Variants in INSYN2B observed in about 807,000 individuals in gnomAD.
INSYN2B encodes the protein protein INSYN2B.
INSYN2B carries 16 observed loss-of-function variants against 41.2 expected under a neutral mutation model. The ratio of observed to expected loss-of-function variants is 0.39; its 90% CI spans 0.26 to 0.59. The LOEUF is 0.59. Ranked by LOEUF, INSYN2B falls within the 20% of genes least tolerant of loss-of-function variation. INSYN2B has a pLI of 0.57. For synonymous variants in INSYN2B, 245 were observed against 244.4 expected, an observed-to-expected ratio of 1.00 and a Z score of -0.02; for missense variants, 608 against 646.4, an observed-to-expected ratio of 0.94 and a Z score of 0.64.
chr5:169,893,444 G>A (rs1397690942), intron 1 of INSYN2B, among the ~76,000 whole-genome samples: 1 of 143,864 alleles, frequency 7.0e-6, no homozygotes, highest in African/African-American at 2.5e-5. Context: ...CAATCCATTT[G>A]TTTTTCACTA....
At chr5:169,929,171 G>T (rs895220725) in intron 1 of INSYN2B, among the ~76,000 whole-genome samples, 2 of 152,190 alleles carry the variant, frequency 1.3e-5, no homozygotes, top group African/African-American at 4.8e-5. Context: ...ATAGCAGGGG[G>T]TTAAAGGTGT....
intron 1 of INSYN2B, among the ~76,000 whole-genome samples, chr5:169,903,607 A>G (rs188426587): frequency 2.0e-5 from 3 of 152,254 alleles, no homozygotes; most frequent in East Asian, 3.9e-4. Flanking sequence ...AGTAGGTACA[A>G]AGGCCTCCAA....
intron 1 of INSYN2B, among the ~76,000 whole-genome samples, chr5:169,929,462 T>G (rs1179624792): frequency 6.6e-6 from 1 of 151,688 alleles, no homozygotes; most frequent in Non-Finnish European, 1.5e-5. Flanking sequence ...TGTGGCCAGG[T>G]GTGGTGGCTT....
chr5:169,957,659 G>A lies in INSYN2B; in HGVS notation c.-919+22618C>T, dbSNP rs572252008. ...GACACTAGAGGCAATGCGCGAGGAA[G>A]CCTCAGGAATATTTGGAAACCCTTC... is the stretch of plus-strand genomic sequence containing the variant. On this transcript the variant is annotated intron_variant, in intron 1 of 3. Transcript: ENST00000377365. Among the ~76,000 whole-genome samples, 7 of 152,288 alleles carry A rather than the reference G, an allele frequency of 4.6e-5. No homozygotes were observed. In the South Asian group the frequency reaches 1.2e-3, roughly 27 times the overall value.
Position 169,903,292 on chromosome 5 carries a change from AAAAC to A in INSYN2B, c.-918-18480_-918-18477del, listed in dbSNP as rs576537985. 3.2e-4 allele frequency among the ~76,000 whole-genome samples: 48 copies of A among 148,146 alleles called. No individual in the cohort carries two copies. The South Asian group carries it at 0.011, about 33-fold the overall frequency. ...AACACAGTGAGATCCCCATCTCTAA[AAAAC>A]AACAACAACAACAATAAAAAAAAAA... On this transcript the variant is annotated intron_variant, in intron 1 of 3. Transcript: ENST00000377365.
intron 1 of INSYN2B, among the ~76,000 whole-genome samples, chr5:169,973,126 T>C (rs1777587953): frequency 6.6e-6 from 1 of 152,194 alleles, no homozygotes; most frequent in African/African-American, 2.4e-5. Flanking sequence ...ATCCACAAAG[T>C]AATCTTCCCT....
intron 1 of INSYN2B, among the ~76,000 whole-genome samples, chr5:169,905,596 G>A (rs944252817): frequency 9.9e-5 from 15 of 152,154 alleles, no homozygotes; most frequent in Admixed American, 5.2e-4. Flanking sequence ...TCCTGTATAC[G>A]GGCTTGAATG....
intron 1 of INSYN2B, among the ~76,000 whole-genome samples, chr5:169,890,536 A>G (rs1403700833): frequency 6.6e-6 from 1 of 152,180 alleles, no homozygotes; most frequent in Non-Finnish European, 1.5e-5. Flanking sequence ...TTCCAAAAAT[A>G]TACCCCTTTC....
At chr5:169,959,372 A>G (rs1478750517) in intron 1 of INSYN2B, among the ~76,000 whole-genome samples, 1 of 149,616 alleles carries the variant, frequency 6.7e-6, no homozygotes, top group Non-Finnish European at 1.5e-5. Flanking sequence ...CCGTCTCAAA[A>G]GAAAAAAAAA....
intron 1 of INSYN2B, among the ~76,000 whole-genome samples, chr5:169,944,441 G>A (rs75113919): frequency 1.9e-3 from 286 of 152,336 alleles, no homozygotes; most frequent in Non-Finnish European, 3.3e-3. Context: ...AGCCAGCCGT[G>A]ACTCTGGAGA....
chr5:169,900,770 C>T (rs140798346), intron 1 of INSYN2B, among the ~76,000 whole-genome samples: 7 of 151,984 alleles, frequency 4.6e-5, no homozygotes, highest in Non-Finnish European at 7.4e-5. Context: ...GAGGGAGAGC[C>T]GCAAAGAAGC....
chr5:169,969,804 C>T (rs1181367415), intron 1 of INSYN2B, among the ~76,000 whole-genome samples: 1 of 152,212 alleles, frequency 6.6e-6, no homozygotes, highest in Non-Finnish European at 1.5e-5. Flanking sequence ...TGAGGCCAGG[C>T]CTTGCCTGCC....
In INSYN2B at chr5:169,864,199, G is replaced by A; in HGVS notation, c.*74C>T. On this transcript the variant is annotated 3_prime_UTR_variant, in exon 4 of 4. Transcript: ENST00000377365. ...GGGCCTTTGCAAAGAAGCAGGGCAG[G>A]CCTTAAGTGCAGTGGATTTCCCATC... 1 of 1,303,672 alleles carries A rather than the reference G, an allele frequency of 7.7e-7. No individual in the cohort carries two copies. The highest frequency in any genetic ancestry group is 1.5e-5 in the African/African-American group (1 of 68,558). The allele number at this position is 1,303,672 out of a possible 1,614,324, so 80.8% of individuals were successfully genotyped here.
intron 1 of INSYN2B, among the ~76,000 whole-genome samples, chr5:169,901,456 T>C (rs1581385765): frequency 1.3e-5 from 2 of 152,106 alleles, no homozygotes; most frequent in Non-Finnish European, 2.9e-5. Flanking sequence ...TGCATGTGTG[T>C]GTAGGAGAGA....
intron 3 of INSYN2B, among the ~76,000 whole-genome samples, chr5:169,877,790 A>C (rs1772412963): frequency 1.3e-5 from 2 of 152,208 alleles, no homozygotes; most frequent in Non-Finnish European, 2.9e-5. Flanking sequence ...CAGTCTGTCC[A>C]GGTGGACCCT....
chr5:169,919,911 A>G (rs1056300026), intron 1 of INSYN2B, among the ~76,000 whole-genome samples: 7 of 152,110 alleles, frequency 4.6e-5, no homozygotes, highest in Middle Eastern at 3.2e-3. Flanking sequence ...TACTGTACTT[A>G]TTTTTGCCTT....
chr5:169,909,980 A>AT (rs1453621543), intron 1 of INSYN2B, among the ~76,000 whole-genome samples: 3 of 151,628 alleles, frequency 2.0e-5, no homozygotes, highest in Non-Finnish European at 4.4e-5. Flanking sequence ...CTGCACCAGC[A>AT]TTTTTTTTAA....
intron 1 of INSYN2B, among the ~76,000 whole-genome samples, chr5:169,927,703 G>A (rs896624778): frequency 3.3e-5 from 5 of 152,214 alleles, no homozygotes; most frequent in African/African-American, 9.6e-5. Flanking sequence ...TGCAAGCTCC[G>A]CTTCCCGAGT....
At chr5:169,912,940 T>G (rs1281906451) in intron 1 of INSYN2B, among the ~76,000 whole-genome samples, 1 of 152,202 alleles carries the variant, frequency 6.6e-6, no homozygotes, top group African/African-American at 2.4e-5. Context: ...GTCTGCAGTT[T>G]TGAAGAAAGA....
Sources: allele counts gnomAD v4.1 joint callset (sites outside exome capture counted in the v4.1 genomes callset), GRCh38; gene constraint gnomAD v4.1.1; transcripts MANE v1.5; gene names NCBI Gene and HGNC (gene_info 2026-07-23, HGNC 2026-07-21).